ARHGAP32: variants seen among roughly 807,000 people sequenced by gnomAD.
ARHGAP32 encodes Rho GTPase activating protein 32.
In ARHGAP32, 51 loss-of-function variants were observed where a neutral mutation model predicts 186.5. The observed-to-expected ratio is 0.27, with a 90% CI of 0.22 to 0.35. The LOEUF (loss-of-function observed/expected upper bound fraction) is 0.35. Among genes scored for constraint, ARHGAP32 ranks in the 10% least tolerant of loss-of-function variants. ARHGAP32 has a pLI of 1.00. For missense variants in ARHGAP32, 2,186 were observed against 2,623.5 expected (o/e 0.83, Z 3.64); for synonymous variants, 950 against 964.3 (o/e 0.99, Z 0.27).
At chr11:129,197,033 G>C (rs1245869973), upstream of ARHGAP32, among the ~76,000 whole-genome samples, 1 of 151,956 alleles carries the variant, frequency 6.6e-6, no homozygotes, top group Admixed American at 6.6e-5. Context: ...CTTCAGCCTG[G>C]GTGACAGAGC....
chr11:129,055,692 C>T (rs1427141664), intron 10 of ARHGAP32, among the ~76,000 whole-genome samples: 4 of 152,128 alleles, frequency 2.6e-5, no homozygotes, highest in Admixed American at 2.6e-4. Flanking sequence ...AGGCCACATA[C>T]TATACGATTC....
intron 1 of ARHGAP32, among the ~76,000 whole-genome samples, chr11:129,214,282 G>A (rs915126588): frequency 3.9e-5 from 6 of 152,066 alleles, no homozygotes; most frequent in Non-Finnish European, 7.4e-5. Context: ...TATCCATATT[G>A]GTTCTTTACG....
In ARHGAP32 at chr11:129,136,825, T is replaced by C. The variant is rs934009236; in HGVS notation, c.226-11931A>G. ...GATAAGAACTACCTAGCAAGACTTC[T>C]GGTGCAGAGTAGTAGATTGAAAACA... is the stretch of plus-strand genomic sequence containing the variant. On this transcript the variant is annotated intron_variant, in intron 2 of 22. Coordinates refer to ENST00000682385, the MANE Select transcript of ARHGAP32 (RefSeq NM_001378024.1). Among the ~76,000 whole-genome samples the C allele has an allele frequency of 2.0e-5, 3 of 152,086 alleles. No homozygotes were observed. In the East Asian group the frequency reaches 5.8e-4, roughly 29 times the overall value.
At chr11:129,117,501 C>A (rs928270736) in intron 5 of ARHGAP32, among the ~76,000 whole-genome samples, 1 of 151,862 alleles carries the variant, frequency 6.6e-6, no homozygotes, top group Non-Finnish European at 1.5e-5. Context: ...TTCCGCCTTC[C>A]CAGCATCAAG....
intron 1 of ARHGAP32, among the ~76,000 whole-genome samples, chr11:129,233,423 A>G (rs929674068): frequency 6.6e-6 from 1 of 152,190 alleles, no homozygotes; most frequent in Non-Finnish European, 1.5e-5. Flanking sequence ...CAAAATGACA[A>G]AAATTCTAAT....
chr11:129,050,601 G>GT (rs1231354034), intron 10 of ARHGAP32, among the ~76,000 whole-genome samples: 1 of 152,114 alleles, frequency 6.6e-6, no homozygotes, highest in Admixed American at 6.6e-5. Flanking sequence ...TTCTGTACTA[G>GT]TAAATATGAC....
intron 1 of ARHGAP32, among the ~76,000 whole-genome samples, chr11:129,266,890 T>A (rs1945407979): frequency 6.6e-6 from 1 of 152,070 alleles, no homozygotes; most frequent in African/African-American, 2.4e-5. Flanking sequence ...TGCTCAGGCC[T>A]CTCCCCTGAG....
chr11:129,064,404 C>T (rs1355243037), intron 8 of ARHGAP32, among the ~76,000 whole-genome samples: 4 of 152,060 alleles, frequency 2.6e-5, no homozygotes, highest in Non-Finnish European at 4.4e-5. Context: ...GAGGAGAAAA[C>T]AATATAACTC....
At chr11:129,268,230 G>C (rs972466414) in intron 1 of ARHGAP32, among the ~76,000 whole-genome samples, 4 of 152,208 alleles carry the variant, frequency 2.6e-5, no homozygotes, top group Non-Finnish European at 5.9e-5. Context: ...AGAAAAGACT[G>C]GTGGGAAGAT....
chr11:129,234,635 CTACT>C (rs1944903902), intron 1 of ARHGAP32, among the ~76,000 whole-genome samples: 1 of 152,120 alleles, frequency 6.6e-6, no homozygotes, highest in Non-Finnish European at 1.5e-5. Flanking sequence ...GATCTCCCTA[CTACT>C]TACTCAAAAA....
chr11:129,103,819 A>G (rs1941972772), intron 5 of ARHGAP32, among the ~76,000 whole-genome samples: 1 of 152,116 alleles, frequency 6.6e-6, no homozygotes, highest in Non-Finnish European at 1.5e-5. Flanking sequence ...AGCAACATAA[A>G]AATATTCACA....
chr11:129,068,893 T>G (rs923148882), intron 6 of ARHGAP32, among the ~76,000 whole-genome samples: 1 of 152,102 alleles, frequency 6.6e-6, no homozygotes, highest in African/African-American at 2.4e-5. Context: ...ACATAAAACT[T>G]TATTTCCTTC....
At chr11:129,080,044 G>A (rs896045689) in intron 6 of ARHGAP32, among the ~76,000 whole-genome samples, 2 of 152,046 alleles carry the variant, frequency 1.3e-5, no homozygotes, top group Non-Finnish European at 2.9e-5. Context: ...TAATCCAACA[G>A]GAAAATATCA....
At chr11:129,034,175 TC>T (rs1939228699) in intron 11 of ARHGAP32, among the ~76,000 whole-genome samples, 1 of 152,150 alleles carries the variant, frequency 6.6e-6, no homozygotes, top group African/African-American at 2.4e-5. Flanking sequence ...CAATTTTTGT[TC>T]CCCTAGCACT....
At chr11:129,092,979 A>T (rs1411901491) in intron 6 of ARHGAP32, among the ~76,000 whole-genome samples, 3 of 152,044 alleles carry the variant, frequency 2.0e-5, no homozygotes, top group African/African-American at 4.8e-5. Flanking sequence ...GGAAATAATC[A>T]ATGCTACAAA....
At chr11:129,082,300 A>C (rs1195987030) in intron 6 of ARHGAP32, among the ~76,000 whole-genome samples, 3 of 152,152 alleles carry the variant, frequency 2.0e-5, no homozygotes, top group East Asian at 3.8e-4. Flanking sequence ...TAACCAAAGC[A>C]AGACTAAGCA....
At chr11:129,196,896 A>C (rs1944399064), upstream of ARHGAP32, among the ~76,000 whole-genome samples, 1 of 152,074 alleles carries the variant, frequency 6.6e-6, no homozygotes, top group Admixed American at 6.6e-5. Flanking sequence ...GTCTCTACTA[A>C]AAATATAAAA....
chr11:129,063,864 C>A, intron 9 of ARHGAP32, 38 bp downstream of exon 9: 1 of 1,573,508 alleles, frequency 6.4e-7, no homozygotes, highest in Non-Finnish European at 8.6e-7. Flanking sequence ...AGAAAGTTAG[C>A]AAGAACCAAA....
Position 128,970,064 on chromosome 11 carries a change from T to A in ARHGAP32, c.5149A>T (p.Ser1717Cys). Residue 1717 changes from serine (S) to cysteine (C), a missense_variant, in exon 23 of 23, where the codon AGT (serine) becomes TGT (cysteine). This residue lies in a region of ARHGAP32 where 1,502 missense variants were observed against 1,570.0 expected (regional missense o/e 0.96). Coordinates refer to ENST00000682385, the MANE Select transcript of ARHGAP32 (RefSeq NM_001378024.1). This position sits in a 1 kb window ranked among gnomAD's most constrained non-coding sequence, Gnocchi z 5.8. ...GGACGTGGAGCCAAACCAGCATAACTGTACAAGCTCTTTCCTTGCAGCCTA... is the reference window on the plus strand; with the variant it reads ...GGACGTGGAGCCAAACCAGCATAACAGTACAAGCTCTTTCCTTGCAGCCTA... ...NPRLQGKSLY[S>C]YAGLAPRPRA... 1 of 1,614,148 alleles carries A rather than the reference T, an allele frequency of 6.2e-7. No homozygotes were observed. The highest frequency in any genetic ancestry group is 2.2e-5 in the East Asian group (1 of 44,874).
Sources: allele counts gnomAD v4.1 joint callset (sites outside exome capture counted in the v4.1 genomes callset), GRCh38; gene constraint gnomAD v4.1.1; regional missense constraint gnomAD v4.1.1; non-coding constraint Gnocchi (gnomAD v3.1); transcripts MANE v1.5; gene names NCBI Gene and HGNC (gene_info 2026-07-23, HGNC 2026-07-21).